COMMD10: variants seen among roughly 807,000 people sequenced by gnomAD.
The protein encoded by COMMD10 is COMM domain-containing protein 10.
In COMMD10, 33 loss-of-function variants were observed where a neutral mutation model predicts 28.9. The ratio of observed to expected loss-of-function variants is 1.14; its 90% CI spans 0.87 to 1.53. The LOEUF (loss-of-function observed/expected upper bound fraction) is 1.53. Ranked by LOEUF, COMMD10 falls within the 40% of genes most tolerant of loss-of-function variation. The pLI, the probability that COMMD10 is intolerant of heterozygous loss-of-function variation, is 0.00. For missense variants in COMMD10, 310 were observed against 233.4 expected (o/e 1.33, Z -2.14); for synonymous variants, 110 against 81.7 (o/e 1.35, Z -1.87).
intron 4 of COMMD10, among the ~76,000 whole-genome samples, chr5:116,132,452 C>G (rs1473610897): frequency 6.6e-6 from 1 of 152,134 alleles, no homozygotes; most frequent in African/African-American, 2.4e-5. Flanking sequence ...TTGTCTGCAT[C>G]ATCTCTATGC....
At chr5:116,190,557 G>A (rs1398915879) in intron 5 of COMMD10, among the ~76,000 whole-genome samples, 5 of 152,174 alleles carry the variant, frequency 3.3e-5, no homozygotes, top group Non-Finnish European at 7.3e-5. Flanking sequence ...GCCTATGCCA[G>A]TTTGGGTTAG....
At chr5:116,095,678 G>A (rs1272886695) in intron 4 of COMMD10, among the ~76,000 whole-genome samples, 1 of 151,122 alleles carries the variant, frequency 6.6e-6, no homozygotes, top group African/African-American at 2.4e-5. Context: ...ACCTACTTCT[G>A]GTTTTCTAGG....
In COMMD10 at chr5:116,154,845, C is replaced by T. The variant is rs145460928; in HGVS notation, c.510+20667C>T. On this transcript the variant is annotated intron_variant, in intron 5 of 6. Transcript: ENST00000274458. ...TTTAGGGAGGGATGGAATTTAGGGT[C>T]TCACTTTAGTGCAAAAGGTAATAAT... Among the ~76,000 whole-genome samples the T allele has an allele frequency of 4.6e-3, 695 of 151,494 alleles. 3 individuals are homozygous for T. Among genetic ancestry groups the T allele is most frequent in the Non-Finnish European group, 6.4e-3 (432 of 67,874 alleles).
At chr5:116,207,755 GTGATCCACC>G (rs1748852028) in intron 5 of COMMD10, among the ~76,000 whole-genome samples, 1 of 152,116 alleles carries the variant, frequency 6.6e-6, no homozygotes, top group African/African-American at 2.4e-5. Flanking sequence ...CTAACTCCCA[GTGATCCACC>G]TGCCTCAGCC....
At chr5:116,148,931 A>T (rs550337342) in intron 5 of COMMD10, among the ~76,000 whole-genome samples, 1 of 151,938 alleles carries the variant, frequency 6.6e-6, no homozygotes, top group South Asian at 2.1e-4. Context: ...TACATGTGCC[A>T]TGCTGATGTG....
At chr5:116,201,538 C>T (rs1416922077) in intron 5 of COMMD10, among the ~76,000 whole-genome samples, 1 of 152,160 alleles carries the variant, frequency 6.6e-6, no homozygotes, top group East Asian at 1.9e-4. Context: ...ACATCTGTCT[C>T]TCCAATCTGG....
At chr5:116,173,083 A>G (rs893654421) in intron 5 of COMMD10, among the ~76,000 whole-genome samples, 19 of 152,166 alleles carry the variant, frequency 1.2e-4, no homozygotes, top group African/African-American at 4.6e-4. Context: ...CTTTTAATAT[A>G]TAATGAAAAT....
intron 5 of COMMD10, among the ~76,000 whole-genome samples, chr5:116,200,230 C>T (rs4920907): frequency 0.98 from 148,842 of 152,140 alleles, 72,891 homozygotes; most frequent in East Asian, 1. Flanking sequence ...ACTATATATA[C>T]TTTTTTGTAC....
At chr5:116,182,944 C>G (rs1454889697) in intron 5 of COMMD10, among the ~76,000 whole-genome samples, 8 of 152,120 alleles carry the variant, frequency 5.3e-5, no homozygotes, top group South Asian at 4.1e-4. Context: ...CCTGCTTGCA[C>G]TCACTCCATC....
At chr5:116,173,855 T>TG (rs1336911195) in intron 5 of COMMD10, among the ~76,000 whole-genome samples, 8 of 150,784 alleles carry the variant, frequency 5.3e-5, no homozygotes, top group Non-Finnish European at 1.0e-4. Flanking sequence ...TTTTGTTTTT[T>TG]TTTTTTTGGA....
chr5:116,244,360 A>G (rs1749886541), intron 5 of COMMD10, among the ~76,000 whole-genome samples: 1 of 152,154 alleles, frequency 6.6e-6, no homozygotes, highest in South Asian at 2.1e-4. Flanking sequence ...TATGTAGAAC[A>G]TAAATTCATG....
intron 5 of COMMD10, among the ~76,000 whole-genome samples, chr5:116,215,891 C>T (rs1580555658): frequency 6.6e-6 from 1 of 150,692 alleles, no homozygotes; most frequent in Non-Finnish European, 1.5e-5. Flanking sequence ...AGAAAATTTG[C>T]AGATGAATAT....
intron 5 of COMMD10, among the ~76,000 whole-genome samples, chr5:116,245,900 A>G (rs1749940676): frequency 6.6e-6 from 1 of 152,188 alleles, no homozygotes; most frequent in Admixed American, 6.5e-5. Context: ...CAAAAGCTGG[A>G]AGCATTCCCC....
intron 5 of COMMD10, among the ~76,000 whole-genome samples, chr5:116,242,935 A>G (rs917512686): frequency 2.6e-5 from 4 of 152,220 alleles, no homozygotes; most frequent in African/African-American, 9.6e-5. Context: ...GATTTAGTTG[A>G]AGGACTCCAT....
intron 5 of COMMD10, among the ~76,000 whole-genome samples, chr5:116,245,306 G>C (rs1394604215): frequency 6.6e-6 from 1 of 151,894 alleles, no homozygotes; most frequent in Non-Finnish European, 1.5e-5. Context: ...GAAGAAACTG[G>C]ATCTCTAAAC....
intron 5 of COMMD10, chr5:116,217,887 AGT>A: frequency 4.9e-6 from 3 of 606,740 alleles, no homozygotes; most frequent in Non-Finnish European, 8.8e-6. Flanking sequence ...ACAACAATGA[AGT>A]GTTCTGTGTG....
At chr5:116,121,443 C>T (rs565584091) in intron 4 of COMMD10, among the ~76,000 whole-genome samples, 2 of 152,164 alleles carry the variant, frequency 1.3e-5, no homozygotes, top group Non-Finnish European at 2.9e-5. Flanking sequence ...AGTAAACATA[C>T]ATGTGCATGT....
chr5:116,141,714 A>G (rs1752202376), intron 5 of COMMD10, among the ~76,000 whole-genome samples: 1 of 151,792 alleles, frequency 6.6e-6, no homozygotes, highest in African/African-American at 2.4e-5. Context: ...GTGGCTGGGA[A>G]AGTGGGAGCA....
At chr5:116,216,802 G>T (rs1749115350) in intron 5 of COMMD10, among the ~76,000 whole-genome samples, 1 of 152,088 alleles carries the variant, frequency 6.6e-6, no homozygotes, top group South Asian at 2.1e-4. Context: ...CCAAAGTGCT[G>T]GGATTACAGG....
Sources: gnomAD v4.1 joint callset for allele counts (sites outside exome capture counted in the v4.1 genomes callset) on GRCh38, gnomAD v4.1.1 for gene constraint, MANE v1.5 for transcripts, NCBI Gene and HGNC (gene_info 2026-07-23, HGNC 2026-07-21) for gene names.